Variants in HIPK2 observed in about 807,000 individuals in gnomAD.
HIPK2 encodes homeodomain interacting protein kinase 2.
A neutral mutation model predicts 113.7 loss-of-function variants in HIPK2; 27 were observed. The observed-to-expected ratio is 0.24, with a 90% CI of 0.17 to 0.33. The LOEUF (loss-of-function observed/expected upper bound fraction) is 0.33, where lower values mean the gene tolerates loss of function less well. Ranked by LOEUF, HIPK2 falls within the 10% of genes least tolerant of loss-of-function variation. The pLI is 1.00. For missense variants in HIPK2, 1,257 were observed against 1,588.0 expected (o/e 0.79, Z 3.54); for synonymous variants, 631 against 642.2 (o/e 0.98, Z 0.26).
intron 1 of HIPK2, among the ~76,000 whole-genome samples, chr7:139,776,042 G>A (rs1445004042): frequency 6.6e-6 from 1 of 152,218 alleles, no homozygotes; most frequent in Non-Finnish European, 1.5e-5. Flanking sequence ...ACTCTAGACA[G>A]TGGGAGCATT....
chr7:139,572,764 G>GCCCCCCCCCCCCCCCCCCCC lies in HIPK2; in HGVS notation c.*162_*163insGGGGGGGGGGGGGGGGGGGG, dbSNP rs71170903. On this transcript the variant is annotated 3_prime_UTR_variant, in exon 15 of 15. Coordinates refer to ENST00000406875, the MANE Select transcript of HIPK2 (RefSeq NM_022740.5). Reference sequence around the variant, plus strand: ...GTCCCGACCCGTCCCCCTGCCCTCTGCCCCCCCCCCCCCCCCCGCCCCTGC... The same window carrying GCCCCCCCCCCCCCCCCCCCC: ...GTCCCGACCCGTCCCCCTGCCCTCTGCCCCCCCCCCCCCCCCCCCCCCCCCCCCCCCCCCCCCGCCCCTGC... 2.7e-4 allele frequency: 8 copies of GCCCCCCCCCCCCCCCCCCCC among 29,326 alleles called. 4 individuals are homozygous for GCCCCCCCCCCCCCCCCCCCC. Among genetic ancestry groups the GCCCCCCCCCCCCCCCCCCCC allele is most frequent in the Admixed American group, 2.4e-3 (4 of 1,654 alleles). 1.8% of individuals were successfully genotyped at this position (29,326 alleles called of 1,614,324 possible).
chr7:139,745,356 A>G (rs1045999338), intron 1 of HIPK2, among the ~76,000 whole-genome samples: 3 of 152,186 alleles, frequency 2.0e-5, no homozygotes, highest in Non-Finnish European at 2.9e-5. Flanking sequence ...TTCTGGATTT[A>G]GCATTCAAGT....
chr7:139,769,931 T>C (rs1033950000), intron 1 of HIPK2, among the ~76,000 whole-genome samples: 3 of 152,158 alleles, frequency 2.0e-5, no homozygotes, highest in South Asian at 4.1e-4. Context: ...TAATGAATAA[T>C]AGTAATGACA....
chr7:139,671,489 G>A (rs1362198985), intron 2 of HIPK2, among the ~76,000 whole-genome samples: 1 of 152,146 alleles, frequency 6.6e-6, no homozygotes, highest in Non-Finnish European at 1.5e-5. Context: ...AGATGATTAA[G>A]AACTGTTTAT....
chr7:139,692,065 A>T (rs1341951875), intron 2 of HIPK2, among the ~76,000 whole-genome samples: 1 of 152,222 alleles, frequency 6.6e-6, no homozygotes, highest in Non-Finnish European at 1.5e-5. Context: ...TTGATATAAC[A>T]TTACAGGCAT....
At chr7:139,671,345 C>T (rs1289911330) in intron 2 of HIPK2, among the ~76,000 whole-genome samples, 2 of 152,286 alleles carry the variant, frequency 1.3e-5, no homozygotes, top group East Asian at 3.9e-4. Flanking sequence ...GAAAACAACA[C>T]TGGTGAACTT....
At chr7:139,699,137 A>C (rs1194598787) in intron 2 of HIPK2, among the ~76,000 whole-genome samples, 1 of 152,042 alleles carries the variant, frequency 6.6e-6, no homozygotes, top group African/African-American at 2.4e-5. Context: ...GGCAGCAAGA[A>C]CCGTGAGACA....
intron 2 of HIPK2, among the ~76,000 whole-genome samples, chr7:139,700,495 A>G (rs1315552519): frequency 1.3e-5 from 2 of 151,846 alleles, no homozygotes; most frequent in African/African-American, 4.8e-5. Context: ...TTCAATACAA[A>G]CTCTTATGTT....
intron 2 of HIPK2, among the ~76,000 whole-genome samples, chr7:139,690,148 C>A (rs1176842126): frequency 6.6e-6 from 1 of 152,110 alleles, no homozygotes; most frequent in East Asian, 1.9e-4. Flanking sequence ...ATGAGCTGCA[C>A]CCAGAAAGCC....
intron 4 of HIPK2, among the ~76,000 whole-genome samples, chr7:139,629,648 ACCTACATT>A (rs1800545326): frequency 6.6e-6 from 1 of 152,114 alleles, no homozygotes; most frequent in East Asian, 1.9e-4. Context: ...TGAGACACAG[ACCTACATT>A]CCCCAAATGG....
At chr7:139,756,133 T>C (rs1171206088) in intron 1 of HIPK2, among the ~76,000 whole-genome samples, 1 of 152,164 alleles carries the variant, frequency 6.6e-6, no homozygotes, top group Non-Finnish European at 1.5e-5. Context: ...ATAAGGGTAA[T>C]AATAATCTTA....
chr7:139,630,442 G>C lies in HIPK2; in HGVS notation c.1347+723C>G, dbSNP rs1275763586. ...AGACACAGTCTCACTCTGTCGCCCA[G>C]GCTGGAGTGCAGTGGCACAATCTCA... On this transcript the variant is annotated intron_variant, in intron 4 of 14. Coordinates refer to ENST00000406875, the MANE Select transcript of HIPK2 (RefSeq NM_022740.5). The surrounding 1 kb of genome is among the most constrained non-coding windows in gnomAD (Gnocchi z 4.0). 6.6e-6 allele frequency among the ~76,000 whole-genome samples: 1 copy of C among 152,152 alleles called. No homozygotes were observed. The highest frequency in any genetic ancestry group is 1.5e-5 in the Non-Finnish European group (1 of 68,040).
intron 1 of HIPK2, among the ~76,000 whole-genome samples, chr7:139,746,699 CTA>C (rs1401712076): frequency 6.6e-6 from 1 of 152,184 alleles, no homozygotes; most frequent in Non-Finnish European, 1.5e-5. Context: ...TCTACTCAAA[CTA>C]AAACTCCTGC....
rs150160854 is a variant in HIPK2 at position 139,683,899 on chromosome 7, T to C, written c.1103+32033A>G. Among the ~76,000 whole-genome samples, 2 of 152,108 alleles carry C rather than the reference T, an allele frequency of 1.3e-5. No homozygotes were observed. Among genetic ancestry groups the C allele is most frequent in the Non-Finnish European group, 1.5e-5 (1 of 68,018 alleles). On this transcript the variant is annotated intron_variant, in intron 2 of 14. Transcript: ENST00000406875. The surrounding 1 kb of genome is among the most constrained non-coding windows in gnomAD (Gnocchi z 4.2). ...TGGAATTTGGGGAGGGGCATATATA[T>C]AGAGAGACATACCTCATTATATTGC...
At position 139,716,610 on chromosome 7, in the gene HIPK2, C is replaced by T; in HGVS notation, c.425G>A (p.Ser142Asn). 1 of 1,614,006 alleles carries T rather than the reference C, an allele frequency of 6.2e-7. No individual in the cohort carries two copies. The highest frequency in any genetic ancestry group is 8.5e-7 in the Non-Finnish European group (1 of 1,179,888). The change falls in exon 2 of 15, where the codon AGC (serine) becomes AAC (asparagine). Residue 142 changes from serine to asparagine, a missense_variant. Around this residue, in one of 5 missense-constraint regions of HIPK2, gnomAD observed 209 missense variants for 237.8 expected, o/e 0.88. Coordinates refer to ENST00000406875, the MANE Select transcript of HIPK2 (RefSeq NM_022740.5). This position sits in a 1 kb window ranked among gnomAD's most constrained non-coding sequence, Gnocchi z 9.3. ...ATGCTCCTCGATGATCTGCACGCTGCTTGTGTTCTCGATCTCCTCGCTCTT... is the reference window on the plus strand; with the variant it reads ...ATGCTCCTCGATGATCTGCACGCTGTTTGTGTTCTCGATCTCCTCGCTCTT... ...KRKSEEIENT[S>N]SVQIIEEHPP...
In HIPK2 at chr7:139,596,782, C is replaced by A. The variant is rs201973800; in HGVS notation, c.2652G>T (p.Thr884=). Reference sequence around the variant, plus strand: ...CACTGCTGATGGTGATGACGCTGACCGTGGGGCTGGGAGTGTCGGGAATGA... The same window carrying A: ...CACTGCTGATGGTGATGACGCTGACAGTGGGGCTGGGAGTGTCGGGAATGA... ...TIVIPDTPSP[T]VSVITISSDT... Residue 884 remains threonine, a synonymous_variant, in exon 12 of 15, where the codon ACG becomes ACT. Transcript: ENST00000406875. The A allele has an allele frequency of 6.8e-6, 11 of 1,613,926 alleles. No homozygotes were observed. In the South Asian group the frequency reaches 8.8e-5, roughly 13 times the overall value.
chr7:139,639,709 G>C (rs1800939527), intron 2 of HIPK2, among the ~76,000 whole-genome samples: 1 of 152,176 alleles, frequency 6.6e-6, no homozygotes, highest in African/African-American at 2.4e-5. Context: ...TGTCACTGCT[G>C]TATCTCCAGC....
Position 139,631,595 on chromosome 7 carries a change from G to A in HIPK2, c.1227+7C>T. 1 of 1,613,250 alleles carries A rather than the reference G, an allele frequency of 6.2e-7. No homozygotes were observed. Among genetic ancestry groups the A allele is most frequent in the Non-Finnish European group, 8.5e-7 (1 of 1,179,662 alleles). ...GTCTTGTGAATATCTGTGTCATCTG[G>A]ACCCACCTGATCATACTCCGAAGCT... On this transcript the variant is annotated splice_region_variant and intron_variant, in intron 3 of 14. Coordinates refer to ENST00000406875, the MANE Select transcript of HIPK2 (RefSeq NM_022740.5). The surrounding 1 kb of genome is among the most constrained non-coding windows in gnomAD (Gnocchi z 4.9).
intron 14 of HIPK2, 165 bp downstream of exon 14, chr7:139,574,963 G>A (rs2116476918): frequency 2.4e-6 from 1 of 424,268 alleles, no homozygotes; most frequent in Middle Eastern, 1.2e-3. Flanking sequence ...GGTGACCTGT[G>A]GTAGAAAAAG....
Sources: allele counts gnomAD v4.1 joint callset (sites outside exome capture counted in the v4.1 genomes callset), GRCh38; gene constraint gnomAD v4.1.1; regional missense constraint gnomAD v4.1.1; non-coding constraint Gnocchi (gnomAD v3.1); transcripts MANE v1.5; gene names NCBI Gene and HGNC (gene_info 2026-07-23, HGNC 2026-07-21).